Variants in THEMIS observed in about 807,000 individuals in gnomAD.
THEMIS encodes protein THEMIS.
Under a neutral mutation model 52.6 loss-of-function variants are expected in THEMIS, and 37 were observed. The ratio of observed to expected loss-of-function variants is 0.70; its 90% CI spans 0.54 to 0.93. The LOEUF (loss-of-function observed/expected upper bound fraction) is 0.93. THEMIS is among the 40% of genes least tolerant of loss of function. The pLI is 0.00. For missense variants in THEMIS, 808 were observed against 763.1 expected, an observed-to-expected ratio of 1.06 and a Z score of -0.69; for synonymous variants, 292 against 272.7, an observed-to-expected ratio of 1.07 and a Z score of -0.70.
the THEMIS span, among the ~76,000 whole-genome samples, chr6:127,697,536 A>G: frequency 2.0e-5 from 3 of 152,172 alleles, no homozygotes; most frequent in African/African-American, 7.2e-5. Context: ...TAAATTCCTT[A>G]ATGTTACCTC....
intron 1 of THEMIS, among the ~76,000 whole-genome samples, chr6:127,884,734 G>A (rs1185858506): frequency 1.3e-5 from 2 of 152,162 alleles, no homozygotes; most frequent in Non-Finnish European, 2.9e-5. Flanking sequence ...AGACTGGGTA[G>A]TTTAAATAAT....
chr6:127,898,912 A>C (rs1029609680), intron 1 of THEMIS, among the ~76,000 whole-genome samples: 1 of 151,842 alleles, frequency 6.6e-6, no homozygotes, highest in Non-Finnish European at 1.5e-5. Flanking sequence ...GTGGGAGCTA[A>C]AAAAATTGAT....
In THEMIS at chr6:127,715,594, T is replaced by G. The variant is rs796137525; in HGVS notation, c.1894+4094A>C. On this transcript the variant is annotated intron_variant, in intron 5 of 5. Coordinates refer to ENST00000368248, the MANE Select transcript of THEMIS (RefSeq NM_001010923.3). ...TATTTTCCACGATACAAATAGGATC[T>G]GAGGTTTACACTAAACATTTAGATT... Among the ~76,000 whole-genome samples the G allele has an allele frequency of 2.0e-5, 3 of 151,950 alleles. No individual in the cohort carries two copies. The East Asian group carries it at 5.8e-4, about 29-fold the overall frequency.
intron 4 of THEMIS, among the ~76,000 whole-genome samples, chr6:127,794,520 G>A (rs9491874): frequency 2.6e-5 from 4 of 152,092 alleles, no homozygotes; most frequent in African/African-American, 4.8e-5. Context: ...TTAATACAGG[G>A]TCTTAGTATG....
At chr6:127,918,324 C>A (rs1330922758) in intron 1 of THEMIS, 1 of 152,134 alleles carries the variant, frequency 6.6e-6, no homozygotes, top group Non-Finnish European at 1.5e-5. Context: ...GTCTTTATAA[C>A]TGACCATTTA....
At chr6:127,806,478 C>A (rs1003075705) in intron 4 of THEMIS, among the ~76,000 whole-genome samples, 5 of 152,042 alleles carry the variant, frequency 3.3e-5, no homozygotes, top group African/African-American at 1.2e-4. Context: ...TTAAAAAGTT[C>A]AGAGAGGGCC....
chr6:127,849,243 C>T (rs1479792224), intron 2 of THEMIS, among the ~76,000 whole-genome samples: 10 of 151,752 alleles, frequency 6.6e-5, no homozygotes, highest in African/African-American at 9.7e-5. Flanking sequence ...TGTAGATATG[C>T]GGCATTATTT....
chr6:127,876,239 A>T (rs1168531911), intron 1 of THEMIS, among the ~76,000 whole-genome samples: 1 of 152,210 alleles, frequency 6.6e-6, no homozygotes, highest in Non-Finnish European at 1.5e-5. Flanking sequence ...GACAGCTGCA[A>T]ATATCAAAAT....
chr6:127,859,048 G>T (rs1779711322), intron 1 of THEMIS, among the ~76,000 whole-genome samples: 1 of 152,038 alleles, frequency 6.6e-6, no homozygotes, highest in African/African-American at 2.4e-5. Flanking sequence ...AAAACAATTG[G>T]TTCAATAGAT....
chr6:127,916,565 C>G (rs1781532146), intron 1 of THEMIS, among the ~76,000 whole-genome samples: 1 of 152,148 alleles, frequency 6.6e-6, no homozygotes, highest in Admixed American at 6.5e-5. Flanking sequence ...CTGTGGGAAA[C>G]TTAAATGGGT....
chr6:127,725,127 G>A (rs1774494437), intron 4 of THEMIS, among the ~76,000 whole-genome samples: 1 of 151,746 alleles, frequency 6.6e-6, no homozygotes, highest in Non-Finnish European at 1.5e-5. Flanking sequence ...ATCCTCTCCT[G>A]ACTAAAAAAA....
At chr6:127,734,379 G>A (rs1451916489) in intron 4 of THEMIS, among the ~76,000 whole-genome samples, 1 of 152,138 alleles carries the variant, frequency 6.6e-6, no homozygotes, top group Non-Finnish European at 1.5e-5. Flanking sequence ...AAAATCCAAT[G>A]GGGGCGAAGA....
At chr6:127,879,132 C>T (rs1780400721) in intron 1 of THEMIS, among the ~76,000 whole-genome samples, 1 of 152,138 alleles carries the variant, frequency 6.6e-6, no homozygotes, top group African/African-American at 2.4e-5. Context: ...TTCTAATGCA[C>T]AGAGGAAAAT....
intron 4 of THEMIS, among the ~76,000 whole-genome samples, chr6:127,765,285 T>C (rs1033076423): frequency 6.6e-6 from 1 of 152,070 alleles, no homozygotes; most frequent in African/African-American, 2.4e-5. Flanking sequence ...TATTTCACAA[T>C]GCAACAAAGT....
chr6:127,806,092 T>A (rs1777693293), intron 4 of THEMIS, among the ~76,000 whole-genome samples: 1 of 152,106 alleles, frequency 6.6e-6, no homozygotes, highest in Admixed American at 6.5e-5. Context: ...AAATTGGCAA[T>A]TCAAATGCTC....
At chr6:127,825,305 A>T (rs2114646947) in intron 3 of THEMIS, among the ~76,000 whole-genome samples, 1 of 152,324 alleles carries the variant, frequency 6.6e-6, no homozygotes, top group Admixed American at 6.5e-5. Context: ...GAAAACTGTC[A>T]TCACTAAGAA....
At chr6:127,838,291 T>C (rs983634140) in intron 2 of THEMIS, among the ~76,000 whole-genome samples, 11 of 152,222 alleles carry the variant, frequency 7.2e-5, no homozygotes, top group South Asian at 2.1e-4. Flanking sequence ...ACTTCATAAA[T>C]GCAAAAGCTT....
intron 4 of THEMIS, among the ~76,000 whole-genome samples, chr6:127,767,099 G>C (rs1410855866): frequency 3.4e-5 from 5 of 147,798 alleles, no homozygotes; most frequent in Admixed American, 2.0e-4. Flanking sequence ...CTTTTTTTTT[G>C]TTTTTTTTTG....
At chr6:127,906,017 AAAT>A (rs1186829642), upstream of THEMIS, among the ~76,000 whole-genome samples, 2 of 146,002 alleles carry the variant, frequency 1.4e-5, no homozygotes, top group African/African-American at 5.5e-5. Flanking sequence ...AATTTAAATT[AAAT>A]AATTTAAATG....
Sources: gnomAD v4.1 joint callset for allele counts (sites outside exome capture counted in the v4.1 genomes callset) on GRCh38, gnomAD v4.1.1 for gene constraint, MANE v1.5 for transcripts, NCBI Gene and HGNC (gene_info 2026-07-23, HGNC 2026-07-21) for gene names.